ACOT4: variants seen among roughly 807,000 people sequenced by gnomAD.
The protein encoded by ACOT4 is peroxisomal succinyl-coenzyme A thioesterase.
In ACOT4, 18 loss-of-function variants were observed where a neutral mutation model predicts 17.1. That is an observed-to-expected ratio of 1.05 (90% CI 0.73 to 1.56). The LOEUF is 1.56. Ranked by LOEUF, ACOT4 falls within the 40% of genes most tolerant of loss-of-function variation. The pLI is 0.00. For missense variants in ACOT4, 574 were observed against 557.2 expected (o/e 1.03, Z -0.30); for synonymous variants, 234 against 236.6 (o/e 0.99, Z 0.10).
At chr14:73,593,373 C>G (rs544399493) in intron 1 of ACOT4, among the ~76,000 whole-genome samples, 2 of 112,986 alleles carry the variant, frequency 1.8e-5, no homozygotes, top group Admixed American at 1.3e-4. Flanking sequence ...GTGTCTGTCT[C>G]TGTTGCCCAC....
chr14:73,592,521 A>C, intron 1 of ACOT4, 105 bp downstream of exon 1: 3 of 1,320,162 alleles, frequency 2.3e-6, no homozygotes, highest in Non-Finnish European at 3.0e-6. Flanking sequence ...AGATCAGAGA[A>C]GCTAACATTG....
At position 73,595,472 on chromosome 14, in the gene ACOT4, A is replaced by G. The variant is rs370367146; in HGVS notation, c.1084A>G (p.Ile362Val). Residue 362 changes from isoleucine to valine, a missense_variant, in exon 3 of 3, where the codon ATC becomes GTC. By Grantham distance (29) the Ile-to-Val change is conservative. Transcript: ENST00000326303. ...CTGTTACCCTGGGACTGGGCATTAC[A>G]TCGAGCCTCCTTACTTCCCCCTGTG... ...IICYPGTGHYIEPPYFPLCPA... is the reference protein window; with the variant it reads ...IICYPGTGHYVEPPYFPLCPA... 6.2e-7 allele frequency: 1 copy of G among 1,614,150 alleles called. No homozygotes were observed.
At chr14:73,592,494 G>A in intron 1 of ACOT4, 78 bp downstream of exon 1, 1 of 1,412,470 alleles carries the variant, frequency 7.1e-7, no homozygotes, top group Middle Eastern at 2.6e-4. Context: ...ATTTAGCACT[G>A]GTTTGGTTTT....
intron 1 of ACOT4, among the ~76,000 whole-genome samples, chr14:73,592,767 C>T (rs1307045692): frequency 1.3e-5 from 2 of 152,138 alleles, no homozygotes; most frequent in African/African-American, 4.8e-5. Flanking sequence ...GCACGAGAAT[C>T]GCTTGAACCT....
rs775576312 is a variant in ACOT4 at position 73,595,543 on chromosome 14, T to C, written c.1155T>C (p.Gly385=). ...TACTGAACAAACATGTTATATGGGG[T>C]GGGGAGCCCAGGGCTCATTCTAAGG... ...HRLLNKHVIW[G]GEPRAHSKAQ... is the part of the protein sequence containing the mutation. The change falls in exon 3 of 3, where the codon GGT becomes GGC. Residue 385 remains glycine, a synonymous_variant. Transcript: ENST00000326303. 3.1e-6 allele frequency: 5 copies of C among 1,609,168 alleles called. No homozygotes were observed. Among genetic ancestry groups the C allele is most frequent in the Non-Finnish European group, 4.3e-6 (5 of 1,176,082 alleles).
chr14:73,594,940 A>G, intron 2 of ACOT4, 109 bp from the exon 3 acceptor site: 1 of 1,354,154 alleles, frequency 7.4e-7, no homozygotes. Context: ...CCTGACCTCA[A>G]GTGATCCGCC....
chr14:73,594,963 G>A (rs998613711), intron 2 of ACOT4, 86 bp from the exon 3 acceptor site: 49 of 1,511,604 alleles, frequency 3.2e-5, no homozygotes, highest in South Asian at 8.9e-5. Flanking sequence ...CCTCCGCCTC[G>A]CAGAGTGTTG....
At chr14:73,594,663 CATTGGA>C (rs983855632) in intron 2 of ACOT4, among the ~76,000 whole-genome samples, 1 of 149,918 alleles carries the variant, frequency 6.7e-6, no homozygotes, top group Admixed American at 6.7e-5. Flanking sequence ...AATGTTTTTG[CATTGGA>C]TAAGTTATTT....
chr14:73,593,911 C>T lies in ACOT4; in HGVS notation c.660+7C>T, dbSNP rs1450763559. ...CATGCTTCAACATCCCCAGGTTCTC[C>T]TCATGTCCTTTATTTAATCAGTCTC... On this transcript the variant is annotated splice_region_variant and intron_variant, in intron 2 of 2. Coordinates refer to ENST00000326303, the MANE Select transcript of ACOT4 (RefSeq NM_152331.4). The T allele has an allele frequency of 6.2e-7, 1 of 1,603,304 alleles. No individual in the cohort carries two copies. The highest frequency in any genetic ancestry group is 1.7e-5 in the Admixed American group (1 of 58,698).
Position 73,592,182 on chromosome 14 carries a change from C to T in ACOT4, c.223C>T (p.Leu75Phe), listed in dbSNP as rs1219527372. The T allele has an allele frequency of 1.2e-6, 2 of 1,607,692 alleles. No homozygotes were observed. The highest frequency in any genetic ancestry group is 1.7e-6 in the Non-Finnish European group (2 of 1,177,548). ...APALGGSFAG[L>F]EPMGLLWALE... The stretch of plus-strand genomic sequence containing the variant: ...CGCGCTGGGCGGCAGCTTCGCGGGA[C>T]TCGAGCCCATGGGGCTGCTCTGGGC... The change falls in exon 1 of 3, where the codon CTC becomes TTC. Residue 75 changes from leucine to phenylalanine, a missense_variant. By Grantham distance (22) the Leu-to-Phe change is conservative. Coordinates refer to ENST00000326303, the MANE Select transcript of ACOT4 (RefSeq NM_152331.4).
chr14:73,592,632 CACTTGAGATCAGGA>C (rs1268679315), intron 1 of ACOT4, among the ~76,000 whole-genome samples: 1 of 152,208 alleles, frequency 6.6e-6, no homozygotes, highest in Non-Finnish European at 1.5e-5. Context: ...ATGGGCGGAT[CACTTGAGATCAGGA>C]GTTTGAGACC....
In ACOT4 at chr14:73,592,017, C is replaced by T; in HGVS notation, c.58C>T (p.Arg20Cys). 1 of 1,436,880 alleles carries T rather than the reference C, an allele frequency of 7.0e-7. No homozygotes were observed. The highest frequency in any genetic ancestry group is 9.1e-7 in the Non-Finnish European group (1 of 1,097,440). 89.0% of individuals were successfully genotyped at this position (1,436,880 alleles called of 1,614,324 possible). A position where few individuals can be genotyped will look rare whatever the true frequency, so the allele number is the denominator to read the frequency against. The change falls in exon 1 of 3, where the codon CGC (arginine) becomes TGC (cysteine). Residue 20 changes from arginine (R) to cysteine (C), a missense_variant. Physicochemically the swap from Arg to Cys is radical, Grantham distance 180. Coordinates refer to ENST00000326303, the MANE Select transcript of ACOT4 (RefSeq NM_152331.4). The part of the protein sequence containing the change: ...PGRCCWNEPV[R>C]IAVRGLAPEQ... Reference sequence around the variant, plus strand: ...CCGCTGCTGCTGGAACGAGCCGGTGCGCATTGCCGTGCGCGGCCTGGCCCC... The same window carrying T: ...CCGCTGCTGCTGGAACGAGCCGGTGTGCATTGCCGTGCGCGGCCTGGCCCC...
Position 73,595,169 on chromosome 14 carries a change from G to C in ACOT4, c.781G>C (p.Gly261Arg). 1 of 1,614,232 alleles carries C rather than the reference G, an allele frequency of 6.2e-7. No individual in the cohort carries two copies. Among genetic ancestry groups the C allele is most frequent in the Non-Finnish European group, 8.5e-7 (1 of 1,180,038 alleles). Residue 261 changes from glycine (G) to arginine (R), a missense_variant, in exon 3 of 3, where the codon GGG becomes CGG. Coordinates refer to ENST00000326303, the MANE Select transcript of ACOT4 (RefSeq NM_152331.4). ...TTCCATCAATGGATCTGGGATCAGTGGGAACACAGCCATCAACTATAAGCA... is the reference window on the plus strand; with the variant it reads ...TTCCATCAATGGATCTGGGATCAGTCGGAACACAGCCATCAACTATAAGCA... ...TVSINGSGIS[G>R]NTAINYKHSS...
intron 1 of ACOT4, among the ~76,000 whole-genome samples, chr14:73,593,339 T>TC (rs1310129678): frequency 3.5e-4 from 24 of 68,898 alleles, no homozygotes; most frequent in East Asian, 7.7e-4. Flanking sequence ...TTTCTTTCTT[T>TC]TTTTTTTTTT....
chr14:73,591,981 G>A lies in ACOT4; in HGVS notation c.22G>A (p.Glu8Lys). MSATLIL[E>K]PPGRCCWNEP... ...CAAGATGTCAGCAACGCTGATCCTG[G>A]AGCCCCCAGGCCGCTGCTGCTGGAA... Residue 8 changes from glutamate to lysine, a missense_variant, in exon 1 of 3, where the codon GAG (glutamate) becomes AAG (lysine). Physicochemically the swap from Glu to Lys is moderately conservative, Grantham distance 56. Coordinates refer to ENST00000326303, the MANE Select transcript of ACOT4 (RefSeq NM_152331.4). 1 of 1,403,992 alleles carries A rather than the reference G, an allele frequency of 7.1e-7. No individual in the cohort carries two copies. Among genetic ancestry groups the A allele is most frequent in the South Asian group, 1.6e-5 (1 of 61,766 alleles). 87.0% of individuals were successfully genotyped at this position (1,403,992 alleles called of 1,614,324 possible).
chr14:73,595,154 G>A lies in ACOT4; in HGVS notation c.766G>A (p.Gly256Arg). The stretch of plus-strand genomic sequence containing the variant: ...TGTCTCAGCCACAGTTTCCATCAAT[G>A]GATCTGGGATCAGTGGGAACACAGC... ...KNVSATVSIN[G>R]SGISGNTAIN... is the part of the protein sequence containing the mutation. The change falls in exon 3 of 3, where the codon GGA (glycine) becomes AGA (arginine). Residue 256 changes from glycine (G) to arginine (R), a missense_variant. Coordinates refer to ENST00000326303, the MANE Select transcript of ACOT4 (RefSeq NM_152331.4). The A allele has an allele frequency of 1.2e-6, 2 of 1,614,206 alleles. No homozygotes were observed. The highest frequency in any genetic ancestry group is 3.3e-4 in the Middle Eastern group (2 of 6,062).
In ACOT4 at chr14:73,593,913, C is replaced by A. The variant is rs1270586323; in HGVS notation, c.660+9C>A. On this transcript the variant is annotated intron_variant, in intron 2 of 2. Transcript: ENST00000326303. ...TGCTTCAACATCCCCAGGTTCTCCT[C>A]ATGTCCTTTATTTAATCAGTCTCTC... 6.2e-7 allele frequency: 1 copy of A among 1,602,254 alleles called. No homozygotes were observed. Among genetic ancestry groups the A allele is most frequent in the East Asian group, 2.2e-5 (1 of 44,812 alleles).
At chr14:73,593,974 C>T (rs992978394) in intron 2 of ACOT4, 70 bp downstream of exon 2, 10 of 1,380,288 alleles carry the variant, frequency 7.2e-6, no homozygotes, top group South Asian at 1.5e-5. Flanking sequence ...ACCTTTACCA[C>T]GTGCAGAAAT....
chr14:73,595,529 C>T lies in ACOT4; in HGVS notation c.1141C>T (p.His381Tyr), dbSNP rs576349393. The T allele has an allele frequency of 1.4e-5, 23 of 1,612,612 alleles. No individual in the cohort carries two copies. In the South Asian group the frequency reaches 2.4e-4, roughly 17 times the overall value. Residue 381 changes from histidine (H) to tyrosine (Y), a missense_variant, in exon 3 of 3, where the codon CAT becomes TAT. His to Tyr is a moderately conservative substitution (Grantham distance 83). Coordinates refer to ENST00000326303, the MANE Select transcript of ACOT4 (RefSeq NM_152331.4). The stretch of plus-strand genomic sequence containing the variant: ...TTCCCTTCACAGATTACTGAACAAA[C>T]ATGTTATATGGGGTGGGGAGCCCAG... ...PASLHRLLNK[H>Y]VIWGGEPRAH...
Sources: gnomAD v4.1 joint callset for allele counts (sites outside exome capture counted in the v4.1 genomes callset) on GRCh38, gnomAD v4.1.1 for gene constraint, MANE v1.5 for transcripts, NCBI Gene and HGNC (gene_info 2026-07-23, HGNC 2026-07-21) for gene names.